Variants in SUCLG1 observed in about 807,000 individuals in gnomAD.
SUCLG1 encodes the protein succinate-CoA ligase GDP/ADP-forming subunit alpha.
Under a neutral mutation model 37.3 loss-of-function variants are expected in SUCLG1, and 26 were observed. The ratio of observed to expected loss-of-function variants is 0.70; its 90% CI spans 0.51 to 0.97. SUCLG1 has a LOEUF of 0.97. Ranked by LOEUF, SUCLG1 falls within the 50% of genes least tolerant of loss-of-function variation. SUCLG1 has a pLI of 0.00. For synonymous variants in SUCLG1, 163 were observed against 155.6 expected (o/e 1.05, Z -0.36); for missense variants, 433 against 432.9 (o/e 1.00, Z 0.00).
intron 6 of SUCLG1, chr2:84,433,111 G>T (rs1672633801): frequency 3.6e-6 from 2 of 562,158 alleles, no homozygotes; most frequent in Non-Finnish European, 6.3e-6. Context: ...GCACCAAGGT[G>T]CTTCGGGAGC....
intron 7 of SUCLG1, among the ~76,000 whole-genome samples, chr2:84,428,610 A>C (rs553017769): frequency 6.6e-6 from 1 of 152,388 alleles, no homozygotes; most frequent in African/African-American, 2.4e-5. Context: ...TTGAGCCTAG[A>C]ATGGCAAACA....
intron 5 of SUCLG1, among the ~76,000 whole-genome samples, chr2:84,438,788 AG>A (rs1376899203): frequency 1.3e-5 from 2 of 152,234 alleles, no homozygotes; most frequent in Non-Finnish European, 2.9e-5. Context: ...CTCTGTAGCT[AG>A]GATTGTAAAA....
chr2:84,448,610 C>T (rs1297823690), intron 2 of SUCLG1, among the ~76,000 whole-genome samples: 1 of 150,934 alleles, frequency 6.6e-6, no homozygotes, highest in Admixed American at 6.6e-5. Context: ...GGTTAAGACA[C>T]GTGGTTATAC....
In SUCLG1 at chr2:84,449,672, A is replaced by T. The variant is rs1335315690; in HGVS notation, c.178T>A (p.Cys60Ser). The T allele has an allele frequency of 3.1e-6, 5 of 1,603,202 alleles. No individual in the cohort carries two copies. The highest frequency in any genetic ancestry group is 1.7e-4 in the Middle Eastern group (1 of 6,036). ...ACCTGTTTGCCAGTGAAACCCTGGC[A>T]AATAATCTTTGTATTTTTATCAACA... ...LYVDKNTKII[C>S]QGFTGKQGTF... is the part of the protein sequence containing the mutation. Residue 60 changes from cysteine (C) to serine (S), a missense_variant, in exon 2 of 9, where the codon TGC becomes AGC. Cys to Ser is a moderately radical substitution (Grantham distance 112, BLOSUM62 -1). Transcript: ENST00000393868.
At chr2:84,446,820 A>C (rs1672859351) in intron 2 of SUCLG1, among the ~76,000 whole-genome samples, 3 of 152,230 alleles carry the variant, frequency 2.0e-5, no homozygotes, top group African/African-American at 7.2e-5. Flanking sequence ...GTATTTTATA[A>C]AAATATTGAT....
intron 3 of SUCLG1, among the ~76,000 whole-genome samples, chr2:84,442,603 CT>C (rs1433724860): frequency 6.6e-6 from 1 of 152,140 alleles, no homozygotes; most frequent in Non-Finnish European, 1.5e-5. Flanking sequence ...ACTTTACTTA[CT>C]TTTTGTATCG....
intron 5 of SUCLG1, among the ~76,000 whole-genome samples, chr2:84,438,775 G>A (rs1388962755): frequency 6.6e-6 from 1 of 152,192 alleles, no homozygotes; most frequent in African/African-American, 2.4e-5. Context: ...GCACCAATCA[G>A]CACTCTGTAG....
intron 2 of SUCLG1, among the ~76,000 whole-genome samples, chr2:84,449,340 G>A (rs959195497): frequency 1.3e-5 from 2 of 152,032 alleles, no homozygotes; most frequent in African/African-American, 2.4e-5. Flanking sequence ...TCAAAGAAAC[G>A]GTGATCTCTT....
chr2:84,453,022 G>A (rs1038568044), intron 1 of SUCLG1, among the ~76,000 whole-genome samples: 11 of 152,186 alleles, frequency 7.2e-5, no homozygotes, highest in Admixed American at 4.6e-4. Flanking sequence ...AATTCATATA[G>A]AGACTGCATG....
At chr2:84,440,398 A>G (rs1672749775) in intron 5 of SUCLG1, among the ~76,000 whole-genome samples, 1 of 152,112 alleles carries the variant, frequency 6.6e-6, no homozygotes, top group South Asian at 2.1e-4. Context: ...AACAATACCA[A>G]ATCTTTGTGA....
At chr2:84,455,962 G>C (rs956612601) in intron 1 of SUCLG1, among the ~76,000 whole-genome samples, 2 of 151,994 alleles carry the variant, frequency 1.3e-5, no homozygotes, top group Non-Finnish European at 1.5e-5. Flanking sequence ...AAACAAATTT[G>C]ATGTCAGAAA....
At chr2:84,449,893 C>T (rs752550598) in intron 1 of SUCLG1, 141 bp from the exon 2 acceptor site, 10 of 601,158 alleles carry the variant, frequency 1.7e-5, no homozygotes, top group Non-Finnish European at 2.9e-5. Context: ...AACCTAAATG[C>T]CACCTTTTAA....
At chr2:84,424,011 C>T (rs568480869) in intron 8 of SUCLG1, among the ~76,000 whole-genome samples, 1 of 152,326 alleles carries the variant, frequency 6.6e-6, no homozygotes, top group African/African-American at 2.4e-5. Flanking sequence ...CTTTACATTT[C>T]CTAAATCCAG....
intron 3 of SUCLG1, among the ~76,000 whole-genome samples, chr2:84,442,220 A>G (rs1212371016): frequency 1.3e-5 from 2 of 151,286 alleles, no homozygotes; most frequent in Admixed American, 6.6e-5. Context: ...GTCAACCTAG[A>G]GGAATTGTAA....
chr2:84,428,218 A>G (rs58342657), intron 7 of SUCLG1, among the ~76,000 whole-genome samples: 355 of 151,966 alleles, frequency 2.3e-3, no homozygotes, highest in African/African-American at 8.1e-3. Flanking sequence ...AGCCTTTTCT[A>G]TCTCTCCCTC....
intron 2 of SUCLG1, among the ~76,000 whole-genome samples, chr2:84,443,769 G>T (rs1406472137): frequency 6.6e-6 from 1 of 151,096 alleles, no homozygotes; most frequent in East Asian, 1.9e-4. Flanking sequence ...CCACAACCTG[G>T]GTCAAATCCA....
At chr2:84,440,466 C>A (rs1672751203) in intron 5 of SUCLG1, among the ~76,000 whole-genome samples, 1 of 152,186 alleles carries the variant, frequency 6.6e-6, no homozygotes, top group South Asian at 2.1e-4. Context: ...AATGATATAG[C>A]CACTTTGCAG....
Position 84,441,124 on chromosome 2 carries a change from T to C in SUCLG1, c.532-20A>G, listed in dbSNP as rs776946908. The stretch of plus-strand genomic sequence containing the variant: ...TCCAGGCTGAAAGTAATCATAGTTT[T>C]CAGAAATGTTAAAAAAAAAAGTCAC... On this transcript the variant is annotated intron_variant, in intron 4 of 8. Coordinates refer to ENST00000393868, the MANE Select transcript of SUCLG1 (RefSeq NM_003849.4). 2 of 1,613,862 alleles carry C rather than the reference T, an allele frequency of 1.2e-6. No homozygotes were observed. The highest frequency in any genetic ancestry group is 4.5e-5 in the East Asian group (2 of 44,870).
intron 5 of SUCLG1, among the ~76,000 whole-genome samples, chr2:84,437,119 C>G (rs1048975046): frequency 6.6e-6 from 1 of 152,194 alleles, no homozygotes; most frequent in Admixed American, 6.5e-5. Flanking sequence ...GTCTTCAACA[C>G]GGTCCCTCCC....
Sources: allele counts gnomAD v4.1 joint callset (sites outside exome capture counted in the v4.1 genomes callset), GRCh38; gene constraint gnomAD v4.1.1; transcripts MANE v1.5; gene names NCBI Gene and HGNC (gene_info 2026-07-23, HGNC 2026-07-21).